The following MARCHF7 variants were observed in gnomAD, a reference collection of about 807,000 sequenced individuals.
MARCHF7 encodes the protein membrane associated ring-CH-type finger 7.
Under a neutral mutation model 76.5 loss-of-function variants are expected in MARCHF7, and 20 were observed. The ratio of observed to expected loss-of-function variants is 0.26; its 90% CI spans 0.18 to 0.38. The LOEUF (loss-of-function observed/expected upper bound fraction) is 0.38. Ranked by LOEUF, MARCHF7 falls within the 10% of genes least tolerant of loss-of-function variation. The probability of loss-of-function intolerance (pLI) is 1.00; values close to 1 mark genes in which losing one functional copy is unlikely to be tolerated. For missense variants in MARCHF7, 797 were observed against 812.9 expected (o/e 0.98, Z 0.24); for synonymous variants, 295 against 293.0 (o/e 1.01, Z -0.07).
intron 4 of MARCHF7, among the ~76,000 whole-genome samples, chr2:159,735,274 C>T (rs1703314771): frequency 6.6e-6 from 1 of 152,158 alleles, no homozygotes; most frequent in South Asian, 2.1e-4. Context: ...AGTTTCTGTT[C>T]CTGTGCATTA....
chr2:159,720,577 G>A (rs1701527489), intron 3 of MARCHF7, among the ~76,000 whole-genome samples: 1 of 151,794 alleles, frequency 6.6e-6, no homozygotes, highest in African/African-American at 2.4e-5. Context: ...CTCATCTTGT[G>A]TCTCAAAGAC....
In MARCHF7 at chr2:159,748,557, AT is replaced by A. The variant is rs749144228; in HGVS notation, c.1272del (p.Phe424LeufsTer73). ...PTSDTSSRSH[I>X]FRRESNEVVH... ...CTCTGATACATCATCTAGATCTCATATTTTTAGAAGAGAATCAAATGAAGTG... is the reference window on the plus strand; with the variant it reads ...CTCTGATACATCATCTAGATCTCATATTTTAGAAGAGAATCAAATGAAGTG... On this transcript the variant is annotated frameshift_variant, in exon 7 of 12. Transcript: ENST00000409175. LOFTEE classifies it high-confidence loss of function. 6.2e-7 allele frequency: 1 copy of A among 1,614,068 alleles called. No homozygotes were observed. Among genetic ancestry groups the A allele is most frequent in the African/African-American group, 1.3e-5 (1 of 74,928 alleles).
At chr2:159,748,978 CTTT>C in intron 7 of MARCHF7, 75 bp downstream of exon 7, 237 of 774,964 alleles carry the variant, frequency 3.1e-4, no homozygotes, top group East Asian at 1.2e-3. Flanking sequence ...TTTTTCTTTT[CTTT>C]TTTTTTTTTT....
At chr2:159,722,789 TTCAA>T (rs1399973453) in intron 3 of MARCHF7, among the ~76,000 whole-genome samples, 1 of 152,214 alleles carries the variant, frequency 6.6e-6, no homozygotes, top group Non-Finnish European at 1.5e-5. Flanking sequence ...ATTGTCAAAA[TTCAA>T]TCAATTTATG....
chr2:159,712,885 A>C (rs1016071472), intron 1 of MARCHF7, among the ~76,000 whole-genome samples: 1 of 151,900 alleles, frequency 6.6e-6, no homozygotes, highest in Non-Finnish European at 1.5e-5. Context: ...TGGCGGGTGC[A>C]GGGGACAGAT....
rs1440913805 is a variant in MARCHF7 at position 159,748,667 on chromosome 2, A to G, written c.1377A>G (p.Thr459=). ...QASAASSSAT[T]GGSTSDSAQG... The stretch of plus-strand genomic sequence containing the variant: ...CTGCAGCATCAAGCAGTGCCACAAC[A>G]GGTGGCTCTACATCAGATTCGGCTC... Residue 459 remains threonine, a synonymous_variant, in exon 7 of 12, where the codon ACA becomes ACG. Transcript: ENST00000409175. The G allele has an allele frequency of 6.2e-7, 1 of 1,614,216 alleles. No homozygotes were observed.
intron 3 of MARCHF7, among the ~76,000 whole-genome samples, chr2:159,720,034 C>G (rs772794505): frequency 6.6e-5 from 10 of 152,232 alleles, no homozygotes; most frequent in African/African-American, 1.7e-4. Flanking sequence ...GCCCTCCCCC[C>G]TCCAGCCCCA....
intron 3 of MARCHF7, among the ~76,000 whole-genome samples, chr2:159,716,047 G>T (rs1700998816): frequency 6.6e-6 from 1 of 152,048 alleles, no homozygotes; most frequent in Non-Finnish European, 1.5e-5. Flanking sequence ...TTTCTCATGG[G>T]ATGTTAAGCT....
chr2:159,764,185 G>T (rs967077849), intron 10 of MARCHF7, among the ~76,000 whole-genome samples: 1 of 147,452 alleles, frequency 6.8e-6, no homozygotes, highest in Non-Finnish European at 1.5e-5. Flanking sequence ...TCAAATTTAG[G>T]TAGGAAAATA....
chr2:159,738,969 T>C (rs1574311537), intron 4 of MARCHF7, among the ~76,000 whole-genome samples: 1 of 152,214 alleles, frequency 6.6e-6, no homozygotes, highest in East Asian at 1.9e-4. Context: ...TTTGTGCTTG[T>C]TGGTGCCCAA....
At chr2:159,719,434 T>C (rs1465996652) in intron 3 of MARCHF7, among the ~76,000 whole-genome samples, 1 of 148,032 alleles carries the variant, frequency 6.8e-6, no homozygotes, top group Non-Finnish European at 1.5e-5. Flanking sequence ...AACAGTAAAA[T>C]GTTTGTTCTT....
At chr2:159,744,515 G>A (rs1394238823) in intron 5 of MARCHF7, among the ~76,000 whole-genome samples, 3 of 152,342 alleles carry the variant, frequency 2.0e-5, no homozygotes, top group Non-Finnish European at 2.9e-5. Context: ...CCAATGAAAT[G>A]TTAGCCAGTG....
intron 7 of MARCHF7, among the ~76,000 whole-genome samples, chr2:159,751,616 T>A (rs1371632784): frequency 2.6e-5 from 4 of 152,218 alleles, no homozygotes; most frequent in Non-Finnish European, 5.9e-5. Flanking sequence ...TGTATTTCAG[T>A]AACAGTTCAG....
At chr2:159,739,113 G>A (rs764152497) in intron 4 of MARCHF7, among the ~76,000 whole-genome samples, 21 of 152,228 alleles carry the variant, frequency 1.4e-4, no homozygotes, top group Non-Finnish European at 1.8e-4. Flanking sequence ...GGAGGCGGGG[G>A]CGGGAAGGGA....
chr2:159,717,672 C>G (rs1205272899), intron 3 of MARCHF7, among the ~76,000 whole-genome samples: 5 of 152,142 alleles, frequency 3.3e-5, no homozygotes, highest in African/African-American at 1.2e-4. Context: ...CTTAGGACTT[C>G]TGTAATACAA....
chr2:159,738,360 T>C (rs572397911), intron 4 of MARCHF7, among the ~76,000 whole-genome samples: 7 of 152,068 alleles, frequency 4.6e-5, no homozygotes, highest in Non-Finnish European at 7.4e-5. Flanking sequence ...GGCAGCATGG[T>C]GAGTGGGGGG....
rs1704819851 is a variant in MARCHF7, at chr2:159,745,947, A to C, written c.514+10A>C. 1 of 1,601,770 alleles carries C rather than the reference A, an allele frequency of 6.2e-7. No homozygotes were observed. The highest frequency in any genetic ancestry group is 1.3e-5 in the African/African-American group (1 of 74,464). ...TTCACAACTTCATCATGTATGTATAAATTACATCAAGTATAACTTCTCATA... is the reference window on the plus strand; with the variant it reads ...TTCACAACTTCATCATGTATGTATACATTACATCAAGTATAACTTCTCATA... On this transcript the variant is annotated intron_variant, in intron 6 of 11. Coordinates refer to ENST00000409175, the MANE Select transcript of MARCHF7 (RefSeq NM_001282805.2).
rs1708071121 is a variant in MARCHF7, at chr2:159,769,643, CATATATATATATA to C, written c.*2302_*2314del. ...CCTGGGCAGCACAGTGAGACTCCAT[CATATATATATATA>C]TAGCACTTCATTACCAGAGGCCTCT... On this transcript the variant is annotated 3_prime_UTR_variant, in exon 12 of 12. Transcript: ENST00000409175. The C allele has an allele frequency of 6.6e-6, 1 of 150,892 alleles. No homozygotes were observed. The highest frequency in any genetic ancestry group is 1.5e-5 in the Non-Finnish European group (1 of 67,608). The allele number at this position is 150,892 out of a possible 1,614,324, so 9.3% of individuals were successfully genotyped here.
chr2:159,760,182 T>C (rs1169956998), intron 9 of MARCHF7, among the ~76,000 whole-genome samples: 3 of 152,202 alleles, frequency 2.0e-5, no homozygotes, highest in African/African-American at 4.8e-5. Flanking sequence ...CCTGGATATT[T>C]CATACAAATA....
Sources: gnomAD v4.1 joint callset for allele counts (sites outside exome capture counted in the v4.1 genomes callset) on GRCh38, gnomAD v4.1.1 for gene constraint, MANE v1.5 for transcripts, NCBI Gene and HGNC (gene_info 2026-07-23, HGNC 2026-07-21) for gene names.